Variants in APPL2 observed in about 807,000 individuals in gnomAD.
APPL2 encodes the protein adaptor protein, phosphotyrosine interacting with PH domain and leucine zipper 2, also known as DCC-interacting protein 13-beta.
Under a neutral mutation model 92.7 loss-of-function variants are expected in APPL2, and 84 were observed. The observed-to-expected ratio is 0.91, with a 90% CI of 0.76 to 1.09. The LOEUF (loss-of-function observed/expected upper bound fraction) is 1.09. APPL2 is among the 50% of genes least tolerant of loss of function. APPL2 has a pLI of 0.00. For missense variants in APPL2, 736 were observed against 824.5 expected (o/e 0.89, Z 1.31); for synonymous variants, 291 against 291.0 (o/e 1.00, Z 0.00).
rs774279076 is a variant in APPL2, at chr12:105,203,743, T to A, written c.664A>T (p.Met222Leu). 6.2e-7 allele frequency: 1 copy of A among 1,614,084 alleles called. No homozygotes were observed. The highest frequency in any genetic ancestry group is 8.5e-7 in the Non-Finnish European group (1 of 1,180,030). Residue 222 changes from methionine (M) to leucine (L), a missense_variant, in exon 9 of 21, where the codon ATG becomes TTG. Transcript: ENST00000258530. ...GCAACGGAGGATAAAAAGCTGTCCA[T>A]ACGTTTGGAAAACATCTCTGCTCCC... Reference protein sequence around the residue: ...KKGAEMFSKRMDSFLSSVADM... With the variant: ...KKGAEMFSKRLDSFLSSVADM...
At chr12:105,180,427 T>C (rs2135896648) in intron 17 of APPL2, among the ~76,000 whole-genome samples, 1 of 152,332 alleles carries the variant, frequency 6.6e-6, no homozygotes, top group South Asian at 2.1e-4. Context: ...CCAGCTTTGT[T>C]CCTTTTGCTT....
At chr12:105,229,513 G>C in intron 1 of APPL2, 1 of 1,031,714 alleles carries the variant, frequency 9.7e-7, no homozygotes, top group Non-Finnish European at 1.2e-6. Context: ...TATCTGTTCT[G>C]ACTTTAGCCC....
intron 14 of APPL2, 38 bp downstream of exon 14, chr12:105,195,223 G>C (rs774189317): frequency 1.3e-6 from 2 of 1,586,472 alleles, no homozygotes; most frequent in Admixed American, 1.7e-5. Context: ...CAATAATTTG[G>C]CTCCACAAAA....
chr12:105,226,468 G>C (rs887324998), intron 2 of APPL2, among the ~76,000 whole-genome samples: 2 of 152,210 alleles, frequency 1.3e-5, no homozygotes, highest in African/African-American at 4.8e-5. Flanking sequence ...AGGAAGGAAA[G>C]ACCCACTTAA....
chr12:105,228,361 A>G (rs1890679370), intron 2 of APPL2, among the ~76,000 whole-genome samples: 1 of 151,794 alleles, frequency 6.6e-6, no homozygotes, highest in African/African-American at 2.4e-5. Context: ...CAGATTTTGG[A>G]GCATTTCGGA....
Position 105,203,590 on chromosome 12 carries a change from C to G in APPL2, c.704+113G>C, listed in dbSNP as rs1888416093. The G allele has an allele frequency of 6.5e-6, 6 of 922,270 alleles. No homozygotes were observed. The Admixed American group carries it at 1.2e-4, about 19-fold the overall frequency. The allele number at this position is 922,270 out of a possible 1,614,324, so 57.1% of individuals were successfully genotyped here. On this transcript the variant is annotated intron_variant, in intron 9 of 20. Coordinates refer to ENST00000258530, the MANE Select transcript of APPL2 (RefSeq NM_018171.5). ...TGTTAGCGAGCATTTCTGGGGTGGA[C>G]AGAGGCTCTGTGCGACCCTCCACAG...
At chr12:105,217,238 T>C in intron 3 of APPL2, 98 bp from the exon 4 acceptor site, 2 of 737,854 alleles carry the variant, frequency 2.7e-6, no homozygotes, top group Non-Finnish European at 2.3e-6. Flanking sequence ...ACCGACGTCC[T>C]TTCTTCTCCA....
intron 17 of APPL2, among the ~76,000 whole-genome samples, chr12:105,186,667 T>TATATGATATCGATATCATATATATC (rs1886708024): frequency 9.1e-5 from 3 of 33,148 alleles, no homozygotes; most frequent in East Asian, 9.6e-3. Context: ...ATATATATCA[T>TATATGATATCGATATCATATATATC]ATATATGATA....
intron 17 of APPL2, among the ~76,000 whole-genome samples, chr12:105,185,220 A>C (rs1395872772): frequency 6.6e-6 from 1 of 152,226 alleles, no homozygotes; most frequent in African/African-American, 2.4e-5. Flanking sequence ...CCACTGAGCA[A>C]GACCACTTGG....
intron 2 of APPL2, among the ~76,000 whole-genome samples, chr12:105,222,872 A>G (rs556967376): frequency 6.6e-6 from 1 of 152,362 alleles, no homozygotes; most frequent in Non-Finnish European, 1.5e-5. Flanking sequence ...AAAAGGTGTC[A>G]GAGAAACTTT....
chr12:105,214,094 G>A (rs1889445574), intron 4 of APPL2, among the ~76,000 whole-genome samples: 1 of 152,202 alleles, frequency 6.6e-6, no homozygotes, highest in African/African-American at 2.4e-5. Flanking sequence ...GCTGAGGCAG[G>A]AGAGTTGCTT....
intron 8 of APPL2, among the ~76,000 whole-genome samples, chr12:105,206,654 G>A (rs1198199971): frequency 6.6e-6 from 1 of 152,208 alleles, no homozygotes; most frequent in Non-Finnish European, 1.5e-5. Context: ...GTGCACCTGA[G>A]GAGCCAGCAG....
chr12:105,175,298 C>T (rs902375445), intron 20 of APPL2, among the ~76,000 whole-genome samples: 2 of 152,194 alleles, frequency 1.3e-5, no homozygotes, highest in African/African-American at 4.8e-5. Flanking sequence ...TAAATACTAG[C>T]TTACAGTGCT....
chr12:105,188,275 C>T lies in APPL2; in HGVS notation c.1632G>A (p.Leu544=), dbSNP rs767454859. 6.2e-7 allele frequency: 1 copy of T among 1,613,952 alleles called. No individual in the cohort carries two copies. Among genetic ancestry groups the T allele is most frequent in the Non-Finnish European group, 8.5e-7 (1 of 1,179,916 alleles). The change falls in exon 17 of 21, where the codon TTG becomes TTA. Residue 544 remains leucine (L), a splice_region_variant and synonymous_variant. Transcript: ENST00000258530. The part of the protein sequence containing the change: ...ESHLMVTSQS[L]RLIDPQTQVS... ...TCTGAAAATAAAACTGAACGTACCT[C>T]AAAGATTGACTGGTGACCATCAGAT...
In APPL2 at chr12:105,236,153, TG is replaced by T; in HGVS notation, c.-142del. On this transcript the variant is annotated 5_prime_UTR_variant, in exon 1 of 21. Coordinates refer to ENST00000258530, the MANE Select transcript of APPL2 (RefSeq NM_018171.5). ...CGGCGGCCCCGCGCGCGTCCACGCC[TG>T]GCCAGTGGCCGCCGCCGCCTGCCCG... The T allele has an allele frequency of 5.0e-6, 1 of 199,768 alleles. No homozygotes were observed. Among genetic ancestry groups the T allele is most frequent in the South Asian group, 2.1e-4 (1 of 4,722 alleles). The allele number at this position is 199,768 out of a possible 1,614,324, so 12.4% of individuals were successfully genotyped here.
intron 14 of APPL2, among the ~76,000 whole-genome samples, chr12:105,194,794 AAGT>A (rs1260885046): frequency 6.6e-6 from 1 of 152,074 alleles, no homozygotes; most frequent in African/African-American, 2.4e-5. Context: ...AAAAAAAAAA[AAGT>A]ATGTGCAAAT....
rs542593921 is a variant in APPL2, at chr12:105,174,048, G to A, written c.*266C>T. ...CATTTTTCAAACTTTTGTTCTGAGC[G>A]CTGAACAATCTAAGAAATTTTAGCG... On this transcript the variant is annotated 3_prime_UTR_variant, in exon 21 of 21. Coordinates refer to ENST00000258530, the MANE Select transcript of APPL2 (RefSeq NM_018171.5). 2.1e-5 allele frequency: 7 copies of A among 328,220 alleles called. No homozygotes were observed. Among genetic ancestry groups the A allele is most frequent in the South Asian group, 6.5e-5 (1 of 15,496 alleles). 20.3% of individuals were successfully genotyped at this position (328,220 alleles called of 1,614,324 possible).
chr12:105,218,352 C>G (rs1300143743), intron 2 of APPL2, among the ~76,000 whole-genome samples: 2 of 152,160 alleles, frequency 1.3e-5, no homozygotes, highest in African/African-American at 2.4e-5. Context: ...TATAATGTGC[C>G]AGACATTCAA....
rs1466543533 is a variant in APPL2 at position 105,180,869 on chromosome 12, C to T, written c.1635-3607G>A. 7.9e-5 allele frequency among the ~76,000 whole-genome samples: 12 copies of T among 152,264 alleles called. No individual in the cohort carries two copies. The Middle Eastern group carries it at 0.01, about 129-fold the overall frequency. On this transcript the variant is annotated intron_variant, in intron 17 of 20. Coordinates refer to ENST00000258530, the MANE Select transcript of APPL2 (RefSeq NM_018171.5). ...AGCTTAAGGAGTTTTTGGGCTGAGA[C>T]GATGGAGTTTTCTAAACATACAATC...
Sources: gnomAD v4.1 joint callset for allele counts (sites outside exome capture counted in the v4.1 genomes callset) on GRCh38, gnomAD v4.1.1 for gene constraint, MANE v1.5 for transcripts, NCBI Gene and HGNC (gene_info 2026-07-23, HGNC 2026-07-21) for gene names.